The following SPATS2L variants were observed in gnomAD, a reference collection of about 807,000 sequenced individuals.
SPATS2L encodes SPATS2-like protein.
In SPATS2L, 30 loss-of-function variants were observed where a neutral mutation model predicts 59.6. The ratio of observed to expected loss-of-function variants is 0.50; its 90% CI spans 0.38 to 0.68. SPATS2L has a LOEUF of 0.68. SPATS2L is among the 30% of genes least tolerant of loss of function. SPATS2L has a pLI of 0.00. For synonymous variants in SPATS2L, 252 were observed against 263.5 expected (o/e 0.96, Z 0.42); for missense variants, 615 against 700.0 (o/e 0.88, Z 1.37).
chr2:200,453,494 C>T (rs567896656), intron 8 of SPATS2L, among the ~76,000 whole-genome samples: 5 of 152,260 alleles, frequency 3.3e-5, no homozygotes, highest in African/African-American at 1.2e-4. Flanking sequence ...GGGAGTTGGA[C>T]CAGAAATGGT....
Position 200,460,298 on chromosome 2 carries a change from G to A in SPATS2L, c.847+471G>A, listed in dbSNP as rs1015701146. 3.9e-5 allele frequency among the ~76,000 whole-genome samples: 6 copies of A among 152,116 alleles called. No homozygotes were observed. In the South Asian group the frequency reaches 8.3e-4, roughly 21 times the overall value. On this transcript the variant is annotated intron_variant, in intron 9 of 12. Coordinates refer to ENST00000409140, the MANE Select transcript of SPATS2L (RefSeq NM_001100423.2). ...TTTTCCTAGAAAAGTAGTCCCATTT[G>A]AAACTTAATTACTTAAATTCCCCTC...
chr2:200,401,615 C>A (rs2082531403), intron 3 of SPATS2L, among the ~76,000 whole-genome samples: 1 of 152,156 alleles, frequency 6.6e-6, no homozygotes, highest in African/African-American at 2.4e-5. Context: ...CTCTCCTTTG[C>A]CTCATCCACT....
intron 4 of SPATS2L, among the ~76,000 whole-genome samples, chr2:200,416,132 T>TA (rs1029783886): frequency 6.6e-6 from 1 of 152,102 alleles, no homozygotes; most frequent in Non-Finnish European, 1.5e-5. Flanking sequence ...AATATAATGA[T>TA]AAAAAAGTAA....
At chr2:200,433,923 AAT>A (rs2084105586) in intron 6 of SPATS2L, among the ~76,000 whole-genome samples, 1 of 152,092 alleles carries the variant, frequency 6.6e-6, no homozygotes, top group Admixed American at 6.6e-5. Flanking sequence ...AGAAAGAAGG[AAT>A]ACTTCCTAAC....
chr2:200,313,420 A>T (rs1013079178), intron 1 of SPATS2L, among the ~76,000 whole-genome samples: 2 of 152,184 alleles, frequency 1.3e-5, no homozygotes, highest in African/African-American at 4.8e-5. Context: ...CTAATTAAGG[A>T]AAAATGTTTT....
intron 2 of SPATS2L, among the ~76,000 whole-genome samples, chr2:200,374,557 C>G (rs1574306670): frequency 6.6e-6 from 1 of 152,098 alleles, no homozygotes; most frequent in Non-Finnish European, 1.5e-5. Flanking sequence ...GGCATTGGGT[C>G]TCAGTTGTCA....
intron 1 of SPATS2L, among the ~76,000 whole-genome samples, chr2:200,327,481 T>A (rs972892414): frequency 6.6e-6 from 1 of 152,188 alleles, no homozygotes; most frequent in Non-Finnish European, 1.5e-5. Context: ...GCAGATGGAA[T>A]TTACCAAAGT....
rs1173327483 is a variant in SPATS2L, at chr2:200,375,679, G to A, written c.-22-13544G>A. On this transcript the variant is annotated intron_variant, in intron 2 of 12. Coordinates refer to ENST00000409140, the MANE Select transcript of SPATS2L (RefSeq NM_001100423.2). The stretch of plus-strand genomic sequence containing the variant: ...CTTACTCTGTCATCCAGGCTGGAGT[G>A]CCAGTGGCATGATCACAGCTCACTG... Among the ~76,000 whole-genome samples the A allele has an allele frequency of 3.3e-5, 5 of 152,156 alleles. No individual in the cohort carries two copies. In the South Asian group the frequency reaches 6.2e-4, roughly 19 times the overall value.
At chr2:200,393,063 A>G (rs1233460395) in intron 3 of SPATS2L, 2 of 364,902 alleles carry the variant, frequency 5.5e-6, no homozygotes, top group Non-Finnish European at 1.1e-5. Context: ...CTGAACTCAC[A>G]GTCATATATT....
intron 11 of SPATS2L, among the ~76,000 whole-genome samples, chr2:200,471,686 C>T (rs764787263): frequency 1.3e-5 from 2 of 152,184 alleles, no homozygotes; most frequent in East Asian, 1.9e-4. Context: ...ATAGGAGCCA[C>T]GGAAATCCCC....
intron 7 of SPATS2L, among the ~76,000 whole-genome samples, chr2:200,439,978 T>C (rs2084578307): frequency 6.6e-6 from 1 of 152,254 alleles, no homozygotes; most frequent in Non-Finnish European, 1.5e-5. Context: ...TCCTTGGCTT[T>C]GGTTTGATCT....
chr2:200,460,757 A>C (rs1353841141), intron 9 of SPATS2L: 2 of 151,910 alleles, frequency 1.3e-5, no homozygotes, highest in African/African-American at 4.8e-5. Flanking sequence ...TCTCAAAAAA[A>C]ATAATAATAA....
chr2:200,466,515 A>C (rs552335285), intron 9 of SPATS2L, among the ~76,000 whole-genome samples: 1 of 152,236 alleles, frequency 6.6e-6, no homozygotes, highest in East Asian at 1.9e-4. Flanking sequence ...TACTACATCT[A>C]TTTGAACCTT....
intron 2 of SPATS2L, among the ~76,000 whole-genome samples, chr2:200,387,243 A>G (rs2082019818): frequency 6.6e-6 from 1 of 152,162 alleles, no homozygotes; most frequent in Non-Finnish European, 1.5e-5. Context: ...AAAAATCACA[A>G]TTACTTTTGC....
rs578057853 is a variant in SPATS2L, at chr2:200,346,666, T to C, written c.-23+17186T>C. ...TCTTCGTGACTACTGAAAAAAATTC[T>C]TAAAAGCAGCTACTTCCATTATTCT... is the stretch of plus-strand genomic sequence containing the variant. On this transcript the variant is annotated intron_variant, in intron 2 of 12. Transcript: ENST00000409140. 1.4e-3 allele frequency among the ~76,000 whole-genome samples: 211 copies of C among 152,342 alleles called. 2 individuals carry two copies. Among genetic ancestry groups the C allele is most frequent in the South Asian group, 5.2e-3 (25 of 4,828 alleles).
chr2:200,366,945 A>G (rs549764550), intron 2 of SPATS2L, among the ~76,000 whole-genome samples: 3 of 152,358 alleles, frequency 2.0e-5, no homozygotes, highest in African/African-American at 4.8e-5. Flanking sequence ...AAGAGTTTCT[A>G]TAGGTGCAAT....
chr2:200,308,985 G>C, intron 1 of SPATS2L: 1 of 714,872 alleles, frequency 1.4e-6, no homozygotes, highest in Non-Finnish European at 2.6e-6. Context: ...TTGAGAAGCT[G>C]CTCTGCCACA....
chr2:200,318,137 C>T lies in SPATS2L; in HGVS notation c.-73+11215C>T, dbSNP rs1184687513. Among the ~76,000 whole-genome samples, 3 of 152,226 alleles carry T rather than the reference C, an allele frequency of 2.0e-5. No individual in the cohort carries two copies. The East Asian group carries it at 5.8e-4, about 29-fold the overall frequency. On this transcript the variant is annotated intron_variant, in intron 1 of 12. Transcript: ENST00000409140. ...ACAGCAGAGAGTCTGATCTCACATA[C>T]TGCCCTGATCGACAAGTGTTTATTG...
At chr2:200,394,603 A>G (rs552806569) in intron 3 of SPATS2L, among the ~76,000 whole-genome samples, 1 of 152,274 alleles carries the variant, frequency 6.6e-6, no homozygotes, top group Admixed American at 6.5e-5. Context: ...GAATGAATGG[A>G]CACGCCTGCT....
Sources: gnomAD v4.1 joint callset for allele counts (sites outside exome capture counted in the v4.1 genomes callset) on GRCh38, gnomAD v4.1.1 for gene constraint, MANE v1.5 for transcripts, NCBI Gene and HGNC (gene_info 2026-07-23, HGNC 2026-07-21) for gene names.